Variants in RAD51B observed in about 807,000 individuals in gnomAD.
RAD51B encodes the protein RAD51 paralog B.
RAD51B carries 38 observed loss-of-function variants against 42.2 expected under a neutral mutation model. That is an observed-to-expected ratio of 0.90 (90% CI 0.70 to 1.18). The LOEUF (loss-of-function observed/expected upper bound fraction) is 1.18, where lower values mean the gene tolerates loss of function less well. Ranked by LOEUF, RAD51B falls within the 50% of genes most tolerant of loss-of-function variation. RAD51B has a pLI of 0.00. For synonymous variants in RAD51B, 154 were observed against 145.2 expected, an observed-to-expected ratio of 1.06 and a Z score of -0.43; for missense variants, 373 against 400.7, an observed-to-expected ratio of 0.93 and a Z score of 0.59.
intron 7 of RAD51B, among the ~76,000 whole-genome samples, chr14:67,893,219 G>A (rs1225366342): frequency 6.6e-6 from 1 of 152,072 alleles, no homozygotes; most frequent in Non-Finnish European, 1.5e-5. Context: ...ATTATGGTTT[G>A]TAAGATGGTG....
intron 7 of RAD51B, among the ~76,000 whole-genome samples, chr14:68,267,429 C>T (rs1299707030): frequency 6.6e-6 from 1 of 152,066 alleles, no homozygotes; most frequent in African/African-American, 2.4e-5. Context: ...GAGATGATGT[C>T]AAAGAGAACA....
intron 7 of RAD51B, among the ~76,000 whole-genome samples, chr14:68,159,616 T>C (rs1768347133): frequency 7.1e-6 from 1 of 140,974 alleles, no homozygotes; most frequent in Non-Finnish European, 1.5e-5. Context: ...CAAAACTCCA[T>C]CTCAAAAAAA....
intron 8 of RAD51B, among the ~76,000 whole-genome samples, chr14:68,390,380 G>T (rs186264471): frequency 7.2e-5 from 11 of 152,296 alleles, no homozygotes; most frequent in Non-Finnish European, 1.5e-4. Flanking sequence ...CACATTTGGG[G>T]TCTTCATCCT....
At chr14:68,517,963 G>T (rs1416597532) in intron 10 of RAD51B, among the ~76,000 whole-genome samples, 1 of 152,114 alleles carries the variant, frequency 6.6e-6, no homozygotes, top group Non-Finnish European at 1.5e-5. Context: ...CCTTGATCTA[G>T]TGAGCCCTGA....
downstream of RAD51B, among the ~76,000 whole-genome samples, chr14:68,614,123 C>A: frequency 6.6e-6 from 1 of 152,166 alleles, no homozygotes; most frequent in East Asian, 1.9e-4. Flanking sequence ...CAAAATTCAA[C>A]CTCTACTGCC....
At chr14:67,822,662 G>A (rs1248217850) in intron 1 of RAD51B, among the ~76,000 whole-genome samples, 1 of 152,094 alleles carries the variant, frequency 6.6e-6, no homozygotes, top group Admixed American at 6.5e-5. Flanking sequence ...GGGGGAGGTT[G>A]CAGTGAGCTG....
At chr14:68,441,577 G>T (rs2085293310) in intron 9 of RAD51B, among the ~76,000 whole-genome samples, 1 of 150,500 alleles carries the variant, frequency 6.6e-6, no homozygotes, top group Non-Finnish European at 1.5e-5. Flanking sequence ...TTAATTTATG[G>T]ATTCTAGTAT....
intron 10 of RAD51B, among the ~76,000 whole-genome samples, chr14:68,607,852 C>T (rs536813368): frequency 2.7e-4 from 41 of 152,224 alleles, no homozygotes; most frequent in African/African-American, 8.9e-4. Flanking sequence ...GTCGATTACC[C>T]GGGAGGACAG....
intron 10 of RAD51B, among the ~76,000 whole-genome samples, chr14:68,617,700 G>A (rs1891853380): frequency 6.6e-6 from 1 of 152,192 alleles, no homozygotes; most frequent in Non-Finnish European, 1.5e-5. Flanking sequence ...ATCAGAAACT[G>A]TCATGATCAT....
chr14:68,350,769 A>G (rs903064847), intron 8 of RAD51B, among the ~76,000 whole-genome samples: 43 of 152,178 alleles, frequency 2.8e-4, no homozygotes, highest in African/African-American at 1.0e-3. Flanking sequence ...CATCAAATCC[A>G]CTGAACACAT....
intron 7 of RAD51B, among the ~76,000 whole-genome samples, chr14:68,147,763 A>G (rs2078283475): frequency 6.6e-6 from 1 of 151,408 alleles, no homozygotes; most frequent in Non-Finnish European, 1.5e-5. Context: ...AATTATTGTG[A>G]GAGTGAAACA....
Position 68,349,717 on chromosome 14 carries a change from T to C in RAD51B, c.853+57737T>C, listed in dbSNP as rs117308302. Among the ~76,000 whole-genome samples, 439 of 152,262 alleles carry C rather than the reference T, an allele frequency of 2.9e-3. 11 individuals carry two copies. In the East Asian group the frequency reaches 0.047, roughly 16 times the overall value. On this transcript the variant is annotated intron_variant, in intron 8 of 10. Coordinates refer to ENST00000471583, the MANE Select transcript of RAD51B (RefSeq NM_133510.4). ...GCTTGGTTGATATCCTGCTTGAACA[T>C]GGAAGACCCAAGTTGCTCACCCTGT...
At chr14:67,955,245 G>A (rs2074524743) in intron 7 of RAD51B, among the ~76,000 whole-genome samples, 1 of 152,124 alleles carries the variant, frequency 6.6e-6, no homozygotes, top group African/African-American at 2.4e-5. Context: ...GAAATATGAA[G>A]AATTTTATTG....
intron 7 of RAD51B, among the ~76,000 whole-genome samples, chr14:68,184,696 G>A (rs916888848): frequency 6.0e-5 from 9 of 150,578 alleles, no homozygotes; most frequent in African/African-American, 2.2e-4. Flanking sequence ...AAAAATCATT[G>A]TGCTTGACAA....
rs534128481 is a variant in RAD51B, at chr14:67,894,215, A to C, written c.756+7011A>C. On this transcript the variant is annotated intron_variant, in intron 7 of 10. Transcript: ENST00000471583. ...AAAGTAGCCTTTAATTATTAATTTT[A>C]CTAGTTACCTCGTTCCAGATGCCTG... Among the ~76,000 whole-genome samples the C allele has an allele frequency of 1.6e-4, 25 of 152,322 alleles. 1 individual carries two copies. The South Asian group carries it at 5.2e-3, about 32-fold the overall frequency.
chr14:68,397,668 C>A (rs929172731), intron 8 of RAD51B, among the ~76,000 whole-genome samples: 1 of 152,156 alleles, frequency 6.6e-6, no homozygotes, highest in Non-Finnish European at 1.5e-5. Context: ...CATGGGGACA[C>A]CCCTCGTGTG....
chr14:68,402,268 C>T (rs929852677), intron 8 of RAD51B, among the ~76,000 whole-genome samples: 3 of 152,190 alleles, frequency 2.0e-5, no homozygotes, highest in Non-Finnish European at 2.9e-5. Context: ...TCATCCTCTT[C>T]GCCTTTTGTT....
At chr14:68,138,856 A>G (rs926022715) in intron 7 of RAD51B, among the ~76,000 whole-genome samples, 9 of 152,170 alleles carry the variant, frequency 5.9e-5, no homozygotes, top group Non-Finnish European at 1.3e-4. Flanking sequence ...CATTCAATCT[A>G]TGATTGAATG....
intron 10 of RAD51B, chr14:68,562,470 G>A (rs1240021698): frequency 2.0e-6 from 2 of 983,856 alleles, no homozygotes; most frequent in Non-Finnish European, 2.4e-6. Context: ...ATTTTGTGCT[G>A]GTCTCAGCCT....
Sources: allele counts gnomAD v4.1 joint callset (sites outside exome capture counted in the v4.1 genomes callset), GRCh38; gene constraint gnomAD v4.1.1; transcripts MANE v1.5; gene names NCBI Gene and HGNC (gene_info 2026-07-23, HGNC 2026-07-21).